The following ESRRA variants were observed in gnomAD, a reference collection of about 807,000 sequenced individuals.
ESRRA encodes the protein estrogen related receptor alpha, also known as steroid hormone receptor ERR1.
Under a neutral mutation model 35.6 loss-of-function variants are expected in ESRRA, and 7 were observed. The ratio of observed to expected loss-of-function variants is 0.20; its 90% CI spans 0.11 to 0.37. The LOEUF (loss-of-function observed/expected upper bound fraction) is 0.37. Among genes scored for constraint, ESRRA ranks in the 10% least tolerant of loss-of-function variants. The probability of loss-of-function intolerance (pLI) is 1.00; values close to 1 mark genes in which losing one functional copy is unlikely to be tolerated. For synonymous variants in ESRRA, 223 were observed against 246.9 expected (o/e 0.90, Z 0.91); for missense variants, 378 against 561.7 (o/e 0.67, Z 3.31).
Position 64,311,982 on chromosome 11 carries a change from C to CTTTTTTTTTTTTTTTTTTT in ESRRA, c.326-1956_326-1955insTTTTTTTTTTTTTTTTTTT, listed in dbSNP as rs544336819. ...ATAGGCGTGAGCCACTGCGCCTGGC[C>CTTTTTTTTTTTTTTTTTTT]TTTTTTTTTTTTTGGTACAGAGTTT... is the stretch of plus-strand genomic sequence containing the variant. On this transcript the variant is annotated intron_variant, in intron 2 of 6. Transcript: ENST00000000442. Among the ~76,000 whole-genome samples, 2 of 68,402 alleles carry CTTTTTTTTTTTTTTTTTTT rather than the reference C, an allele frequency of 2.9e-5. 1 individual carries two copies. 44.9% of individuals were successfully genotyped at this position (68,402 alleles called of 152,430 possible).
chr11:64,313,476 G>A lies in ESRRA; in HGVS notation c.326-475G>A, dbSNP rs1371216016. Among the ~76,000 whole-genome samples, 3 of 152,210 alleles carry A rather than the reference G, an allele frequency of 2.0e-5. No homozygotes were observed. Among genetic ancestry groups the A allele is most frequent in the Admixed American group, 1.3e-4 (2 of 15,282 alleles). On this transcript the variant is annotated intron_variant, in intron 2 of 6. Transcript: ENST00000000442. This position sits in a 1 kb window ranked among gnomAD's most constrained non-coding sequence, Gnocchi z 4.0. ...TGGCAGTCTGGATGGAAGAGCTTGG[G>A]AAGATGCTCAGAAACCACAAAGTGG... is the stretch of plus-strand genomic sequence containing the variant.
At chr11:64,308,831 A>AG in intron 2 of ESRRA, among the ~76,000 whole-genome samples, 1 of 149,146 alleles carries the variant, frequency 6.7e-6, no homozygotes, top group East Asian at 2.0e-4. Context: ...AAAAAAAAAA[A>AG]AGGCTGGGCG....
Position 64,313,145 on chromosome 11 carries a change from A to C in ESRRA, c.326-806A>C, listed in dbSNP as rs144653380. ...CAGGTCAAGGGTGGAAGTAGTTGCC[A>C]GGGGCAGGAGGCGGATTCTGGACCT... On this transcript the variant is annotated intron_variant, in intron 2 of 6. Coordinates refer to ENST00000000442, the MANE Select transcript of ESRRA (RefSeq NM_004451.5). The surrounding 1 kb of genome is among the most constrained non-coding windows in gnomAD (Gnocchi z 4.0). Among the ~76,000 whole-genome samples, 3 of 152,272 alleles carry C rather than the reference A, an allele frequency of 2.0e-5. No homozygotes were observed. The highest frequency in any genetic ancestry group is 7.2e-5 in the African/African-American group (3 of 41,556).
Position 64,313,846 on chromosome 11 carries a change from ACCCCCAGACCTGTG to A in ESRRA, c.326-103_326-90del. The A allele has an allele frequency of 1.4e-6, 1 of 696,586 alleles. No individual in the cohort carries two copies. The allele number at this position is 696,586 out of a possible 1,614,324, so 43.2% of individuals were successfully genotyped here. A position where few individuals can be genotyped will look rare whatever the true frequency, so the allele number is the denominator to read the frequency against. ...CCCCTGCTCTCCCTTTCCTCCCCAT[ACCCCCAGACCTGTG>A]CTTGCCCGGGGAGAGTCAGGGCTCT... is the stretch of plus-strand genomic sequence containing the variant. On this transcript the variant is annotated intron_variant, in intron 2 of 6. Transcript: ENST00000000442. The surrounding 1 kb of genome is among the most constrained non-coding windows in gnomAD (Gnocchi z 4.0).
intron 1 of ESRRA, chr11:64,306,537 C>G (rs2035036904): frequency 6.5e-6 from 1 of 152,960 alleles, no homozygotes; most frequent in Non-Finnish European, 1.5e-5. Flanking sequence ...TGATCATGAG[C>G]CTTGACTGAG....
At chr11:64,314,954 G>A in intron 5 of ESRRA, 43 bp downstream of exon 5, 1 of 1,601,878 alleles carries the variant, frequency 6.2e-7, no homozygotes, top group Non-Finnish European at 8.5e-7. Flanking sequence ...AACGGGCCCG[G>A]CTCTGGTGCG....
chr11:64,314,317 G>T lies in ESRRA; in HGVS notation c.521G>T (p.Gly174Val). 1 of 1,607,528 alleles carries T rather than the reference G, an allele frequency of 6.2e-7. No homozygotes were observed. The change falls in exon 4 of 7, where the codon GGC (glycine) becomes GTC (valine). Residue 174 changes from glycine to valine, a missense_variant. Coordinates refer to ENST00000000442, the MANE Select transcript of ESRRA (RefSeq NM_004451.5). ...GAGGTGGACCCACTGCCCTTCCCGG[G>T]CCCCTTCCCTGCTGGGCCCCTGGCA... is the stretch of plus-strand genomic sequence containing the variant. ...RPEVDPLPFP[G>V]PFPAGPLAVA...
rs2035051486 is a variant in ESRRA at position 64,307,197 on chromosome 11, G to C, written c.18G>C (p.Val6=). MSSQV[V]GIEPLYIKAE... ...CCAGCGCCATGTCCAGCCAGGTGGT[G>C]GGCATTGAGCCTCTCTACATCAAGG... The change falls in exon 2 of 7, where the codon GTG becomes GTC. Residue 6 remains valine, a synonymous_variant. Coordinates refer to ENST00000000442, the MANE Select transcript of ESRRA (RefSeq NM_004451.5). The C allele has an allele frequency of 6.3e-7, 1 of 1,588,618 alleles. No homozygotes were observed. Among genetic ancestry groups the C allele is most frequent in the Non-Finnish European group, 8.6e-7 (1 of 1,162,572 alleles).
Position 64,307,255 on chromosome 11 carries a change from T to G in ESRRA, c.76T>G (p.Ser26Ala), listed in dbSNP as rs764333747. 1 of 1,613,466 alleles carries G rather than the reference T, an allele frequency of 6.2e-7. No homozygotes were observed. The highest frequency in any genetic ancestry group is 8.5e-7 in the Non-Finnish European group (1 of 1,179,724). Reference protein sequence around the residue: ...EPASPDSPKGSSETETEPPVA... With the variant: ...EPASPDSPKGASETETEPPVA... ...GGCCAGCCCTGACAGTCCAAAGGGT[T>G]CCTCGGAGACAGAGACCGAGCCTCC... The change falls in exon 2 of 7, where the codon TCC becomes GCC. Residue 26 changes from serine to alanine, a missense_variant. Ser to Ala is a moderately conservative substitution (Grantham distance 99, BLOSUM62 1). Coordinates refer to ENST00000000442, the MANE Select transcript of ESRRA (RefSeq NM_004451.5).
intron 2 of ESRRA, among the ~76,000 whole-genome samples, 190 bp downstream of exon 2, chr11:64,307,694 A>T (rs1418397155): frequency 6.6e-6 from 1 of 152,178 alleles, no homozygotes; most frequent in Admixed American, 6.5e-5. Context: ...GATGCATTGC[A>T]GTGGATGTGA....
chr11:64,309,148 A>C (rs1335171755), intron 2 of ESRRA, among the ~76,000 whole-genome samples: 1 of 150,616 alleles, frequency 6.6e-6, no homozygotes, highest in Non-Finnish European at 1.5e-5. Context: ...AAAAAACCCA[A>C]AAACGCTGGG....
chr11:64,305,923 G>T lies in ESRRA; in HGVS notation c.-13+187G>T, dbSNP rs1264569741. Reference sequence around the variant, plus strand: ...AGGGTTCAGGCGGGATCCGGCGTCCGAGTCCTGGTGGGCCGGCCTGGGGCA... The same window carrying T: ...AGGGTTCAGGCGGGATCCGGCGTCCTAGTCCTGGTGGGCCGGCCTGGGGCA... On this transcript the variant is annotated intron_variant, in intron 1 of 6. Transcript: ENST00000000442. This position sits in a 1 kb window ranked among gnomAD's most constrained non-coding sequence, Gnocchi z 5.8. 6.6e-6 allele frequency among the ~76,000 whole-genome samples: 1 copy of T among 152,122 alleles called. No homozygotes were observed. The highest frequency in any genetic ancestry group is 1.5e-5 in the Non-Finnish European group (1 of 68,008).
chr11:64,307,715 G>C (rs2035063153), intron 2 of ESRRA, among the ~76,000 whole-genome samples: 1 of 152,174 alleles, frequency 6.6e-6, no homozygotes, highest in African/African-American at 2.4e-5. Flanking sequence ...GTGAGTTCAG[G>C]GTACCACCTG....
Position 64,315,138 on chromosome 11 carries a change from G to A in ESRRA, c.880G>A (p.Glu294Lys). The A allele has an allele frequency of 1.2e-6, 2 of 1,612,928 alleles. No homozygotes were observed. The highest frequency in any genetic ancestry group is 1.7e-6 in the Non-Finnish European group (2 of 1,180,014). The stretch of plus-strand genomic sequence containing the variant: ...CTTCGCTGAGGACTTAGTCCTGGAT[G>A]AAGAGGGGGCACGGGCAGCTGGCCT... ...LAFAEDLVLD[E>K]EGARAAGLGE... The change falls in exon 6 of 7, where the codon GAA (glutamate) becomes AAA (lysine). Residue 294 changes from glutamate to lysine, a missense_variant. Glu to Lys is a moderately conservative substitution (Grantham distance 56, BLOSUM62 1). This residue lies in a region of ESRRA where 284 missense variants were observed against 411.7 expected (regional missense o/e 0.69). Transcript: ENST00000000442.
Position 64,314,638 on chromosome 11 carries a change from GCTA to G in ESRRA, c.572-100_572-98del, listed in dbSNP as rs996100535. Reference sequence around the variant, plus strand: ...CCTGGAGGGAAGTCACTGGACAGCTGCTACTGAGGAAGGCCACAGGGGGAGCCA... The same window carrying G: ...CCTGGAGGGAAGTCACTGGACAGCTGCTGAGGAAGGCCACAGGGGGAGCCA... On this transcript the variant is annotated intron_variant, in intron 4 of 6. Transcript: ENST00000000442. 7.6e-6 allele frequency: 9 copies of G among 1,183,022 alleles called. No homozygotes were observed. The African/African-American group carries it at 1.4e-4, about 18-fold the overall frequency. 73.3% of individuals were successfully genotyped at this position (1,183,022 alleles called of 1,614,324 possible). A position where few individuals can be genotyped will look rare whatever the true frequency, so the allele number is the denominator to read the frequency against.
At position 64,315,826 on chromosome 11, in the gene ESRRA, G is replaced by C; in HGVS notation, c.1132G>C (p.Ala378Pro). The C allele has an allele frequency of 8.9e-7, 1 of 1,118,804 alleles. No individual in the cohort carries two copies. The highest frequency in any genetic ancestry group is 1.1e-6 in the Non-Finnish European group (1 of 873,770). 69.3% of individuals were successfully genotyped at this position (1,118,804 alleles called of 1,614,324 possible). ...GPGGGAERRR[A>P]GRLLLTLPLL... is the part of the protein sequence containing the mutation. Reference sequence around the variant, plus strand: ...CGGAGGGGGTGCTGAGCGGCGGCGGGCGGGCAGGCTGCTGCTCACGCTACC... The same window carrying C: ...CGGAGGGGGTGCTGAGCGGCGGCGGCCGGGCAGGCTGCTGCTCACGCTACC... The change falls in exon 7 of 7, where the codon GCG becomes CCG. Residue 378 changes from alanine (A) to proline (P), a missense_variant. Physicochemically the swap from Ala to Pro is conservative, Grantham distance 27. Coordinates refer to ENST00000000442, the MANE Select transcript of ESRRA (RefSeq NM_004451.5).
rs755920120 is a variant in ESRRA at position 64,315,279 on chromosome 11, G to C, written c.1012+9G>C. 25 of 1,544,748 alleles carry C rather than the reference G, an allele frequency of 1.6e-5. No individual in the cohort carries two copies. The African/African-American group carries it at 2.9e-4, about 18-fold the overall frequency. On this transcript the variant is annotated intron_variant, in intron 6 of 6. Transcript: ENST00000000442. The stretch of plus-strand genomic sequence containing the variant: ...GGCCCTTGCCAATTCAGGTGAGTCT[G>C]GGGCAGGCACTGACAGGTGAGGTGT...
Position 64,314,078 on chromosome 11 carries a change from G to A in ESRRA, c.442+11G>A, listed in dbSNP as rs781659204. ...GCATGCTCAAGGAGGGTGAGCGCTG[G>A]GCAGGGGCTGGGCGAGGGCTGGGGG... On this transcript the variant is annotated intron_variant, in intron 3 of 6. Transcript: ENST00000000442. 5.1e-6 allele frequency: 8 copies of A among 1,580,032 alleles called. No homozygotes were observed. In the South Asian group the frequency reaches 8.0e-5, roughly 16 times the overall value.
Position 64,315,162 on chromosome 11 carries a change from C to G in ESRRA, c.904C>G (p.Leu302Val), listed in dbSNP as rs1358534410. 1 of 1,612,910 alleles carries G rather than the reference C, an allele frequency of 6.2e-7. No individual in the cohort carries two copies. Among genetic ancestry groups the G allele is most frequent in the Non-Finnish European group, 8.5e-7 (1 of 1,179,956 alleles). Residue 302 changes from leucine to valine, a missense_variant, in exon 6 of 7, where the codon CTG (leucine) becomes GTG (valine). Leu to Val is a conservative substitution (Grantham distance 32). Around this residue, in one of 4 missense-constraint regions of ESRRA, gnomAD observed 284 missense variants for 411.7 expected, o/e 0.69. Coordinates refer to ENST00000000442, the MANE Select transcript of ESRRA (RefSeq NM_004451.5). ...TGAAGAGGGGGCACGGGCAGCTGGC[C>G]TGGGGGAACTGGGGGCTGCCCTGCT... ...LDEEGARAAG[L>V]GELGAALLQL...
Sources: gnomAD v4.1 joint callset for allele counts (sites outside exome capture counted in the v4.1 genomes callset) on GRCh38, gnomAD v4.1.1 for gene constraint, gnomAD v4.1.1 regional missense constraint, Gnocchi (gnomAD v3.1) non-coding constraint, MANE v1.5 for transcripts, NCBI Gene and HGNC (gene_info 2026-07-23, HGNC 2026-07-21) for gene names.